The following SLC9A9 variants were observed in gnomAD, a reference collection of about 807,000 sequenced individuals.
SLC9A9 encodes sodium/hydrogen exchanger 9.
A neutral mutation model predicts 77.8 loss-of-function variants in SLC9A9; 62 were observed. The observed-to-expected ratio is 0.80, with a 90% CI of 0.65 to 0.98. The LOEUF is 0.98. Ranked by LOEUF, SLC9A9 falls within the 50% of genes least tolerant of loss-of-function variation. SLC9A9 has a pLI of 0.00. For synonymous variants in SLC9A9, 320 were observed against 283.5 expected (o/e 1.13, Z -1.29); for missense variants, 775 against 774.9 (o/e 1.00, Z 0.00).
chr3:143,413,344 A>G (rs959143754), intron 12 of SLC9A9, among the ~76,000 whole-genome samples: 1 of 152,194 alleles, frequency 6.6e-6, no homozygotes, highest in African/African-American at 2.4e-5. Context: ...GAAAAGATGC[A>G]TTATGCTGAG....
At chr3:143,511,021 G>C (rs372396462) in intron 9 of SLC9A9, among the ~76,000 whole-genome samples, 2 of 152,142 alleles carry the variant, frequency 1.3e-5, no homozygotes, top group South Asian at 4.1e-4. Flanking sequence ...GAAAAGACAC[G>C]ATTTCTTCAG....
intron 1 of SLC9A9, among the ~76,000 whole-genome samples, chr3:143,833,345 C>T (rs2009486527): frequency 6.6e-6 from 1 of 152,170 alleles, no homozygotes; most frequent in African/African-American, 2.4e-5. Context: ...CCCAGTCTTA[C>T]AGGAGCTCGT....
intron 7 of SLC9A9, among the ~76,000 whole-genome samples, chr3:143,575,830 C>T (rs1046186610): frequency 2.0e-5 from 3 of 152,152 alleles, no homozygotes; most frequent in African/African-American, 7.2e-5. Flanking sequence ...AGGAGACAGC[C>T]TCAGAATGAA....
intron 6 of SLC9A9, among the ~76,000 whole-genome samples, chr3:143,637,268 CTA>C (rs1491078918): frequency 1.9e-5 from 2 of 104,226 alleles, no homozygotes; most frequent in Non-Finnish European, 4.9e-5. Flanking sequence ...GAAAAATTTA[CTA>C]CAGAGATAGA....
At chr3:143,354,431 A>G (rs532638130) in intron 14 of SLC9A9, among the ~76,000 whole-genome samples, 3 of 152,210 alleles carry the variant, frequency 2.0e-5, no homozygotes, top group East Asian at 3.9e-4. Flanking sequence ...TCTGCCCAAC[A>G]CTCTGTGTGA....
chr3:143,289,450 A>G (rs912056239), intron 14 of SLC9A9, among the ~76,000 whole-genome samples: 1 of 152,106 alleles, frequency 6.6e-6, no homozygotes, highest in African/African-American at 2.4e-5. Context: ...AGAGCACTTT[A>G]TATTTGTCCT....
intron 1 of SLC9A9, among the ~76,000 whole-genome samples, chr3:143,844,243 A>C (rs1223161475): frequency 6.6e-6 from 1 of 152,094 alleles, no homozygotes. Context: ...AGAACATTAA[A>C]CATTCTGCTT....
intron 6 of SLC9A9, among the ~76,000 whole-genome samples, chr3:143,632,188 T>C (rs776136054): frequency 2.0e-5 from 3 of 151,996 alleles, no homozygotes; most frequent in Admixed American, 6.6e-5. Flanking sequence ...TTCTTGAGAG[T>C]GTTTGCCCGA....
At chr3:143,518,875 G>A (rs752787904) in intron 9 of SLC9A9, among the ~76,000 whole-genome samples, 13 of 152,280 alleles carry the variant, frequency 8.5e-5, no homozygotes, top group Admixed American at 2.0e-4. Flanking sequence ...CTCCTGATGT[G>A]CATAGGAAGC....
At chr3:143,267,849 A>G (rs960199307) in intron 15 of SLC9A9, among the ~76,000 whole-genome samples, 4 of 152,220 alleles carry the variant, frequency 2.6e-5, no homozygotes, top group African/African-American at 9.6e-5. Context: ...TGGCTTTGGG[A>G]AGGCCATACT....
chr3:143,398,998 C>A (rs1307965939), intron 12 of SLC9A9, among the ~76,000 whole-genome samples: 1 of 115,338 alleles, frequency 8.7e-6, no homozygotes, highest in Admixed American at 8.8e-5. Context: ...GTTGTATACA[C>A]ACACACACAT....
chr3:143,536,810 T>C (rs1322921952), intron 9 of SLC9A9, among the ~76,000 whole-genome samples: 1 of 152,244 alleles, frequency 6.6e-6, no homozygotes, highest in Non-Finnish European at 1.5e-5. Context: ...CAGAGTTTTC[T>C]TTTCTCTTAA....
At chr3:143,359,331 G>T (rs1367525690) in intron 14 of SLC9A9, among the ~76,000 whole-genome samples, 1 of 152,138 alleles carries the variant, frequency 6.6e-6, no homozygotes, top group African/African-American at 2.4e-5. Context: ...TATCCTGGTT[G>T]GAGGGAACTA....
At chr3:143,434,156 C>G (rs2034577697) in intron 12 of SLC9A9, among the ~76,000 whole-genome samples, 1 of 152,140 alleles carries the variant, frequency 6.6e-6, no homozygotes, top group African/African-American at 2.4e-5. Context: ...CAGCTCAAGT[C>G]CTAGCATCTT....
chr3:143,826,889 G>A (rs2009314293), intron 2 of SLC9A9, among the ~76,000 whole-genome samples: 1 of 152,002 alleles, frequency 6.6e-6, no homozygotes, highest in African/African-American at 2.4e-5. Flanking sequence ...TGTTCTGGAC[G>A]CCTGTGGTTC....
chr3:143,597,501 A>C (rs1209266501), intron 6 of SLC9A9, among the ~76,000 whole-genome samples: 3 of 152,230 alleles, frequency 2.0e-5, no homozygotes, highest in Non-Finnish European at 4.4e-5. Flanking sequence ...CAATTCAAGC[A>C]GCTGAGACAG....
intron 6 of SLC9A9, among the ~76,000 whole-genome samples, chr3:143,639,183 C>A (rs73005537): frequency 6.6e-6 from 1 of 152,202 alleles, no homozygotes; most frequent in African/African-American, 2.4e-5. Flanking sequence ...CCCTCCACCC[C>A]CTGAAGTGAG....
At chr3:143,367,668 C>A (rs1365043216) in intron 13 of SLC9A9, among the ~76,000 whole-genome samples, 1 of 152,138 alleles carries the variant, frequency 6.6e-6, no homozygotes, top group Non-Finnish European at 1.5e-5. Flanking sequence ...AGCCAGCCCA[C>A]GGGAGGGTCC....
At chr3:143,378,906 T>C (rs2033239913) in intron 13 of SLC9A9, among the ~76,000 whole-genome samples, 1 of 152,138 alleles carries the variant, frequency 6.6e-6, no homozygotes, top group Non-Finnish European at 1.5e-5. Flanking sequence ...AAAGGTATTG[T>C]ATGGCAAAAA....
Sources: allele counts gnomAD v4.1 joint callset (sites outside exome capture counted in the v4.1 genomes callset), GRCh38; gene constraint gnomAD v4.1.1; transcripts MANE v1.5; gene names NCBI Gene and HGNC (gene_info 2026-07-23, HGNC 2026-07-21).